The following COL4A2 variants were observed in gnomAD, a reference collection of about 807,000 sequenced individuals.
COL4A2 encodes the protein collagen type IV alpha 2 chain, also known as collagen alpha-2(IV) chain.
A neutral mutation model predicts 200.2 loss-of-function variants in COL4A2; 99 were observed. The observed-to-expected ratio is 0.49, with a 90% CI of 0.42 to 0.58. The LOEUF (loss-of-function observed/expected upper bound fraction) is 0.58, where lower values mean the gene tolerates loss of function less well. COL4A2 is among the 20% of genes least tolerant of loss of function. The probability of loss-of-function intolerance (pLI) is 0.00; values close to 1 mark genes in which losing one functional copy is unlikely to be tolerated. For missense variants in COL4A2, 1,950 were observed against 2,314.1 expected, an observed-to-expected ratio of 0.84 and a Z score of 3.23; for synonymous variants, 897 against 900.6, an observed-to-expected ratio of 1.00 and a Z score of 0.07.
intron 4 of COL4A2, among the ~76,000 whole-genome samples, chr13:110,375,156 A>T (rs1469721771): frequency 1.3e-5 from 2 of 152,150 alleles, no homozygotes; most frequent in Non-Finnish European, 2.9e-5. Flanking sequence ...AGGATGGCTC[A>T]CCGGGTAAGC....
At position 110,502,924 on chromosome 13, in the gene COL4A2, T is replaced by C. The variant is rs7338575; in HGVS notation, c.3878-197T>C. 0.36 allele frequency: 204,305 copies of C among 567,166 alleles called. 37,926 individuals are homozygous for C. Among genetic ancestry groups the C allele is most frequent in the Middle Eastern group, 0.45 (942 of 2,100 alleles). The allele number at this position is 567,166 out of a possible 1,614,324, so 35.1% of individuals were successfully genotyped here. On this transcript the variant is annotated intron_variant, in intron 41 of 47. Coordinates refer to ENST00000360467, the MANE Select transcript of COL4A2 (RefSeq NM_001846.4). Reference sequence around the variant, plus strand: ...GAATATATTGAATGCCACTGAGCAGTGCACCTAAAAATGATTAAAATGGTA... The same window carrying C: ...GAATATATTGAATGCCACTGAGCAGCGCACCTAAAAATGATTAAAATGGTA...
At chr13:110,485,614 G>T (rs370928296) in intron 33 of COL4A2, 41 bp from the exon 34 acceptor site, 1 of 1,514,514 alleles carries the variant, frequency 6.6e-7, no homozygotes, top group African/African-American at 1.4e-5. Flanking sequence ...GGCGGGTGCT[G>T]CGTCCTCACC....
chr13:110,316,093 C>G (rs565524761), intron 3 of COL4A2, among the ~76,000 whole-genome samples: 1 of 152,240 alleles, frequency 6.6e-6, no homozygotes, highest in East Asian at 1.9e-4. Context: ...TCAACCCCAC[C>G]CATAGAATTC....
intron 27 of COL4A2, chr13:110,468,091 C>T (rs1219043253): frequency 2.0e-5 from 9 of 461,262 alleles, no homozygotes; most frequent in Middle Eastern, 4.5e-4. Flanking sequence ...CTGTAGAGAG[C>T]GACACCAGTG....
intron 20 of COL4A2, among the ~76,000 whole-genome samples, chr13:110,455,129 C>A (rs1182100444): frequency 6.6e-6 from 1 of 152,172 alleles, no homozygotes; most frequent in Non-Finnish European, 1.5e-5. Context: ...GTTGTTCCTT[C>A]CCTCTCCAGC....
At position 110,409,001 on chromosome 13, in the gene COL4A2, TACAC is replaced by T. The variant is rs372790473; in HGVS notation, c.181-15725_181-15722del. On this transcript the variant is annotated intron_variant, in intron 4 of 47. Transcript: ENST00000360467. ...ACACACACATGCACACACGCACACATACACACACACATACACATGGACACGCGCA... is the reference window on the plus strand; with the variant it reads ...ACACACACATGCACACACGCACACATACACACATACACATGGACACGCGCA... Among the ~76,000 whole-genome samples, 40 of 31,522 alleles carry T rather than the reference TACAC, an allele frequency of 1.3e-3. 5 individuals carry two copies. Among genetic ancestry groups the T allele is most frequent in the Middle Eastern group, 0.025 (2 of 80 alleles). 20.7% of individuals were successfully genotyped at this position (31,522 alleles called of 152,430 possible).
rs1440197236 is a variant in COL4A2 at position 110,428,448 on chromosome 13, T to C, written c.361-19T>C. The C allele has an allele frequency of 6.7e-7, 1 of 1,486,852 alleles. No homozygotes were observed. The highest frequency in any genetic ancestry group is 2.5e-5 in the East Asian group (1 of 39,714). 92.1% of individuals were successfully genotyped at this position (1,486,852 alleles called of 1,614,324 possible). ...GAAGCCTGCTGGTTGGCTGATTCTC[T>C]CACTGCTCTCTTTCCCAGGGACACC... On this transcript the variant is annotated intron_variant, in intron 6 of 47. Coordinates refer to ENST00000360467, the MANE Select transcript of COL4A2 (RefSeq NM_001846.4).
rs774164150 is a variant in COL4A2 at position 110,434,408 on chromosome 13, G to A, written c.692G>A (p.Arg231Lys). Reference sequence around the variant, plus strand: ...AATTATTTATCTTTTCAGGGCAACAGAGGACTTGGTTTCTACGGAGTTAAG... The same window carrying A: ...AATTATTTATCTTTTCAGGGCAACAAAGGACTTGGTTTCTACGGAGTTAAG... ...PPGPKGQQGNRGLGFYGVKGE... is the reference protein window; with the variant it reads ...PPGPKGQQGNKGLGFYGVKGE... Residue 231 changes from arginine to lysine, a missense_variant, in exon 12 of 48, where the codon AGA becomes AAA. Coordinates refer to ENST00000360467, the MANE Select transcript of COL4A2 (RefSeq NM_001846.4). 1.2e-6 allele frequency: 2 copies of A among 1,613,738 alleles called. No individual in the cohort carries two copies. Among genetic ancestry groups the A allele is most frequent in the Non-Finnish European group, 1.7e-6 (2 of 1,179,852 alleles).
At chr13:110,429,518 G>A (rs1880595812) in intron 7 of COL4A2, among the ~76,000 whole-genome samples, 2 of 152,134 alleles carry the variant, frequency 1.3e-5, no homozygotes, top group Admixed American at 6.5e-5. Context: ...ATGGGTGCTT[G>A]TGTTAATATG....
intron 25 of COL4A2, 111 bp from the exon 26 acceptor site, chr13:110,465,892 C>A: frequency 7.5e-7 from 1 of 1,331,716 alleles, no homozygotes; most frequent in South Asian, 1.5e-5. Flanking sequence ...CCTTCCTGCC[C>A]CCACCAGCAA....
chr13:110,458,868 G>A lies in COL4A2; in HGVS notation c.1530G>A (p.Glu510=). Residue 510 remains glutamate (E), a synonymous_variant, in exon 22 of 48, where the codon GAG becomes GAA. Transcript: ENST00000360467. ...GPKGFAGING[E]PGRKGDRGDP... ...AGGGCTTCGCAGGCATCAACGGGGA[G>A]CCGGGGAGGAAAGGGGACAGAGGAG... is the stretch of plus-strand genomic sequence containing the variant. 1.2e-6 allele frequency: 2 copies of A among 1,612,972 alleles called. No homozygotes were observed. The highest frequency in any genetic ancestry group is 1.7e-6 in the Non-Finnish European group (2 of 1,179,408).
intron 4 of COL4A2, among the ~76,000 whole-genome samples, chr13:110,387,048 G>C (rs538541393): frequency 6.6e-6 from 1 of 152,260 alleles, no homozygotes; most frequent in East Asian, 1.9e-4. Flanking sequence ...GACCAGCCTG[G>C]CCAACATGGT....
intron 4 of COL4A2, among the ~76,000 whole-genome samples, chr13:110,411,114 C>T (rs544336924): frequency 6.2e-4 from 94 of 152,254 alleles, no homozygotes; most frequent in African/African-American, 2.1e-3. Context: ...TGGTCAGCAC[C>T]CAGGCCTCCC....
Position 110,506,448 on chromosome 13 carries a change from C to A in COL4A2, c.4436C>A (p.Pro1479Gln). ...GGCCGTCCAGGGAGCCCGGGCCTGC[C>A]GGGTATGCCAGGCCGCAGCGTCAGC... ...APGRPGSPGLPGMPGRSVSIG... is the reference protein window; with the variant it reads ...APGRPGSPGLQGMPGRSVSIG... Residue 1479 changes from proline to glutamine, a missense_variant, in exon 46 of 48, where the codon CCG becomes CAG. Pro to Gln is a moderately conservative substitution (Grantham distance 76). Around this residue, in one of 2 missense-constraint regions of COL4A2, gnomAD observed 1,385 missense variants for 1,720.5 expected, o/e 0.80. Transcript: ENST00000360467. The A allele has an allele frequency of 6.2e-7, 1 of 1,612,476 alleles. No individual in the cohort carries two copies. Among genetic ancestry groups the A allele is most frequent in the South Asian group, 1.1e-5 (1 of 90,852 alleles).
chr13:110,453,426 G>A (rs1358086062), intron 20 of COL4A2, among the ~76,000 whole-genome samples: 6 of 152,054 alleles, frequency 3.9e-5, no homozygotes, highest in Admixed American at 2.0e-4. Flanking sequence ...ACTTGAATCC[G>A]GGAGGCGGAG....
intron 37 of COL4A2, 147 bp from the exon 38 acceptor site, chr13:110,491,923 G>A (rs1883297659): frequency 8.2e-6 from 5 of 610,278 alleles, no homozygotes; most frequent in South Asian, 2.3e-5. Context: ...CCAGCTTGAG[G>A]GACAGTTCTA....
intron 3 of COL4A2, among the ~76,000 whole-genome samples, chr13:110,311,869 C>A (rs765719457): frequency 6.6e-6 from 1 of 152,208 alleles, no homozygotes; most frequent in Non-Finnish European, 1.5e-5. Flanking sequence ...GCCACCCTGC[C>A]GCTTAGTTTC....
At chr13:110,469,389 A>G in intron 28 of COL4A2, 65 bp downstream of exon 28, 2 of 1,466,648 alleles carry the variant, frequency 1.4e-6, no homozygotes, top group East Asian at 5.0e-5. Flanking sequence ...GTGATTCATA[A>G]GCATCCAGCT....
chr13:110,384,885 G>A (rs1034407975), intron 4 of COL4A2, among the ~76,000 whole-genome samples: 1 of 152,212 alleles, frequency 6.6e-6, no homozygotes, highest in Non-Finnish European at 1.5e-5. Context: ...CCTGCAAATA[G>A]GGGTTTAGAA....
Sources: allele counts gnomAD v4.1 joint callset (sites outside exome capture counted in the v4.1 genomes callset), GRCh38; gene constraint gnomAD v4.1.1; regional missense constraint gnomAD v4.1.1; transcripts MANE v1.5; gene names NCBI Gene and HGNC (gene_info 2026-07-23, HGNC 2026-07-21).